TAFA2: variants seen among roughly 807,000 people sequenced by gnomAD.
TAFA2 encodes chemokine-like protein TAFA-2.
A neutral mutation model predicts 18.8 loss-of-function variants in TAFA2; 7 were observed. That is an observed-to-expected ratio of 0.37 (90% CI 0.21 to 0.70). TAFA2 has a LOEUF of 0.70. Among genes scored for constraint, TAFA2 ranks in the 30% least tolerant of loss-of-function variants. The pLI is 0.53. For missense variants in TAFA2, 122 were observed against 158.1 expected (o/e 0.77, Z 1.23); for synonymous variants, 60 against 54.2 (o/e 1.11, Z -0.47).
At chr12:61,924,947 A>C (rs1877216128) in intron 1 of TAFA2, among the ~76,000 whole-genome samples, 1 of 152,200 alleles carries the variant, frequency 6.6e-6, no homozygotes, top group African/African-American at 2.4e-5. Context: ...CTAGTCTCTG[A>C]TGAAACAGAT....
intron 1 of TAFA2, among the ~76,000 whole-genome samples, chr12:61,954,904 C>CA (rs1222848046): frequency 6.6e-6 from 1 of 152,110 alleles, no homozygotes; most frequent in Non-Finnish European, 1.5e-5. Context: ...TTGACTTACA[C>CA]AAAATCATTA....
At chr12:61,890,494 C>T (rs1592463978) in intron 1 of TAFA2, 1 of 152,234 alleles carries the variant, frequency 6.6e-6, no homozygotes, top group East Asian at 1.9e-4. Flanking sequence ...TGTTACACCT[C>T]ACTGGGAAAC....
Position 61,916,380 on chromosome 12 carries a change from G to C in TAFA2, c.-1-48954C>G, listed in dbSNP as rs185527654. On this transcript the variant is annotated intron_variant, in intron 1 of 4. Transcript: ENST00000416284. Reference sequence around the variant, plus strand: ...AGAATGTTTCATTACACTCCTCGACGGTTGATTGTGAGGATCAAATGTGAC... The same window carrying C: ...AGAATGTTTCATTACACTCCTCGACCGTTGATTGTGAGGATCAAATGTGAC... 1.5e-4 allele frequency among the ~76,000 whole-genome samples: 23 copies of C among 152,182 alleles called. 1 individual carries two copies. The highest frequency in any genetic ancestry group is 5.1e-4 in the African/African-American group (21 of 41,518).
chr12:61,714,873 C>T (rs1869575147), intron 4 of TAFA2, among the ~76,000 whole-genome samples: 1 of 152,204 alleles, frequency 6.6e-6, no homozygotes, highest in Admixed American at 6.5e-5. Flanking sequence ...CAGGAGGTAA[C>T]ATATTATGGT....
intron 1 of TAFA2, among the ~76,000 whole-genome samples, chr12:62,041,824 C>G (rs556617321): frequency 6.6e-6 from 1 of 152,248 alleles, no homozygotes; most frequent in East Asian, 1.9e-4. Context: ...AAAGATTTCT[C>G]ACAACCCTAG....
chr12:62,147,367 T>C (rs1190968898), intron 1 of TAFA2, among the ~76,000 whole-genome samples: 2 of 107,282 alleles, frequency 1.9e-5, no homozygotes, highest in Non-Finnish European at 3.8e-5. Flanking sequence ...TATATATATA[T>C]ATAGCAAATG....
intron 1 of TAFA2, among the ~76,000 whole-genome samples, chr12:62,093,268 C>T (rs913146978): frequency 3.9e-5 from 6 of 152,034 alleles, no homozygotes; most frequent in African/African-American, 1.4e-4. Context: ...TTCAGGAATG[C>T]ATTGTGATGG....
intron 2 of TAFA2, among the ~76,000 whole-genome samples, chr12:61,819,332 A>T (rs1872225875): frequency 6.6e-6 from 1 of 152,222 alleles, no homozygotes; most frequent in South Asian, 2.1e-4. Context: ...TTTAATTCCT[A>T]TAATCATATC....
intron 1 of TAFA2, among the ~76,000 whole-genome samples, chr12:62,197,814 A>G (rs1237406725): frequency 6.6e-6 from 1 of 152,166 alleles, no homozygotes; most frequent in Non-Finnish European, 1.5e-5. Flanking sequence ...AGTATTTCAC[A>G]TTGTAGATAT....
At chr12:62,120,631 G>A (rs1230679052) in intron 1 of TAFA2, among the ~76,000 whole-genome samples, 4 of 152,056 alleles carry the variant, frequency 2.6e-5, no homozygotes, top group African/African-American at 9.7e-5. Context: ...TCAGTTACTT[G>A]GCTTTAGGTT....
At chr12:61,819,715 C>A (rs1345387508) in intron 2 of TAFA2, among the ~76,000 whole-genome samples, 1 of 152,060 alleles carries the variant, frequency 6.6e-6, no homozygotes, top group Admixed American at 6.6e-5. Context: ...TATTCATTTG[C>A]CAAAAATGCA....
chr12:61,978,974 G>A (rs1355586794), intron 1 of TAFA2, among the ~76,000 whole-genome samples: 3 of 152,016 alleles, frequency 2.0e-5, no homozygotes, highest in African/African-American at 4.8e-5. Context: ...AAACCCAAGA[G>A]CCTAGTTCTC....
intron 1 of TAFA2, among the ~76,000 whole-genome samples, chr12:62,037,919 C>T (rs1483370847): frequency 2.0e-5 from 3 of 152,176 alleles, no homozygotes; most frequent in African/African-American, 7.2e-5. Context: ...GTATAGCAGA[C>T]ACTCAATAAA....
At chr12:61,804,200 T>G (rs1871516776) in intron 2 of TAFA2, among the ~76,000 whole-genome samples, 1 of 152,006 alleles carries the variant, frequency 6.6e-6, no homozygotes, top group Non-Finnish European at 1.5e-5. Context: ...TTAAAAGAAC[T>G]TCAAGGCTCA....
At chr12:62,234,792 G>T (rs757040397) in intron 1 of TAFA2, 19 of 1,026,642 alleles carry the variant, frequency 1.9e-5, no homozygotes, top group African/African-American at 3.1e-5. Context: ...GGGATGCTCC[G>T]GTAGGAATGG....
At chr12:62,234,613 G>A in intron 1 of TAFA2, 1 of 819,668 alleles carries the variant, frequency 1.2e-6, no homozygotes, top group Non-Finnish European at 2.2e-6. Flanking sequence ...CACAAATAGG[G>A]CCTCTCACCC....
chr12:62,037,460 TA>T (rs1289013163), intron 1 of TAFA2, among the ~76,000 whole-genome samples: 1 of 152,224 alleles, frequency 6.6e-6, no homozygotes, highest in Non-Finnish European at 1.5e-5. Flanking sequence ...TCCTGATTTT[TA>T]AAAAATCATA....
intron 2 of TAFA2, among the ~76,000 whole-genome samples, chr12:61,832,504 G>A (rs1375123448): frequency 6.6e-6 from 1 of 152,012 alleles, no homozygotes; most frequent in Non-Finnish European, 1.5e-5. Context: ...TCCCAGCTGA[G>A]ACCCCAAACA....
chr12:61,715,205 C>T (rs1372980946), intron 4 of TAFA2, among the ~76,000 whole-genome samples: 3 of 152,080 alleles, frequency 2.0e-5, no homozygotes, highest in Admixed American at 6.6e-5. Context: ...TTTTCTGTTG[C>T]TTATAGTGAT....
Sources: gnomAD v4.1 joint callset for allele counts (sites outside exome capture counted in the v4.1 genomes callset) on GRCh38, gnomAD v4.1.1 for gene constraint, MANE v1.5 for transcripts, NCBI Gene and HGNC (gene_info 2026-07-23, HGNC 2026-07-21) for gene names.